The following THADA variants were observed in gnomAD, a reference collection of about 807,000 sequenced individuals.
The protein encoded by THADA is tRNA (32-2'-O)-methyltransferase regulator THADA.
Under a neutral mutation model 219.8 loss-of-function variants are expected in THADA, and 213 were observed. The observed-to-expected ratio is 0.97, with a 90% CI of 0.87 to 1.09. The LOEUF is 1.09. Ranked by LOEUF, THADA falls within the 50% of genes least tolerant of loss-of-function variation. The pLI, the probability that THADA is intolerant of heterozygous loss-of-function variation, is 0.00. For missense variants in THADA, 2,956 were observed against 2,311.3 expected, an observed-to-expected ratio of 1.28 and a Z score of -5.72; for synonymous variants, 1,018 against 828.9, an observed-to-expected ratio of 1.23 and a Z score of -3.92.
intron 26 of THADA, among the ~76,000 whole-genome samples, chr2:43,478,195 G>A (rs1377029614): frequency 6.6e-6 from 1 of 151,018 alleles, no homozygotes; most frequent in Admixed American, 6.6e-5. Context: ...AAAAAATTAA[G>A]AGTATATTTT....
At chr2:43,251,134 A>G (rs1201188562) in intron 36 of THADA, among the ~76,000 whole-genome samples, 1 of 152,220 alleles carries the variant, frequency 6.6e-6, no homozygotes, top group East Asian at 1.9e-4. Flanking sequence ...ATAAAGCAAG[A>G]CATTTCACAT....
chr2:43,583,031 T>G (rs980447228), intron 7 of THADA, among the ~76,000 whole-genome samples: 3 of 152,172 alleles, frequency 2.0e-5, no homozygotes, highest in African/African-American at 7.2e-5. Flanking sequence ...CATCTAATTC[T>G]CTCCTTTGCT....
At chr2:43,521,385 T>C (rs1692463225) in intron 22 of THADA, among the ~76,000 whole-genome samples, 1 of 152,050 alleles carries the variant, frequency 6.6e-6, no homozygotes, top group Admixed American at 6.5e-5. Context: ...CGAAACCCAG[T>C]CTCTATAAAA....
intron 31 of THADA, among the ~76,000 whole-genome samples, chr2:43,296,358 C>A (rs1012131225): frequency 6.6e-6 from 1 of 151,724 alleles, no homozygotes; most frequent in Non-Finnish European, 1.5e-5. Context: ...TCACTGCAAC[C>A]TTCGCCTCCC....
chr2:43,329,112 C>G (rs556130166), intron 30 of THADA, among the ~76,000 whole-genome samples: 1 of 152,252 alleles, frequency 6.6e-6, no homozygotes, highest in Admixed American at 6.5e-5. Flanking sequence ...ATGCGTGTTT[C>G]CCTCCCTCTG....
chr2:43,347,044 T>C (rs1040961262), intron 29 of THADA, among the ~76,000 whole-genome samples: 1 of 152,128 alleles, frequency 6.6e-6, no homozygotes, highest in African/African-American at 2.4e-5. Context: ...GAGAGCTGAA[T>C]CACGCCGTAC....
At chr2:43,525,064 T>C (rs1692986079) in intron 22 of THADA, among the ~76,000 whole-genome samples, 1 of 152,226 alleles carries the variant, frequency 6.6e-6, no homozygotes, top group Non-Finnish European at 1.5e-5. Context: ...GACTTAAGTA[T>C]TTCCACCAGG....
intron 26 of THADA, among the ~76,000 whole-genome samples, chr2:43,431,317 G>C (rs1397292053): frequency 6.6e-6 from 1 of 152,042 alleles, no homozygotes; most frequent in East Asian, 1.9e-4. Context: ...CCCCTATCAA[G>C]ACTCAGAAAA....
intron 34 of THADA, among the ~76,000 whole-genome samples, chr2:43,287,548 C>T (rs1028056906): frequency 6.6e-6 from 1 of 152,160 alleles, no homozygotes; most frequent in Non-Finnish European, 1.5e-5. Context: ...CAACTTGCCT[C>T]GGCCTCCCAA....
At chr2:43,564,882 A>T (rs1698486201) in intron 15 of THADA, 2 of 152,230 alleles carry the variant, frequency 1.3e-5, no homozygotes, top group African/African-American at 4.8e-5. Flanking sequence ...TAAAATTAGA[A>T]ACTTTCCAGA....
At chr2:43,560,631 A>C in intron 15 of THADA, among the ~76,000 whole-genome samples, 1 of 152,322 alleles carries the variant, frequency 6.6e-6, no homozygotes. Flanking sequence ...TACTATATAA[A>C]AGATTTCTAA....
Position 43,424,495 on chromosome 2 carries a change from A to G in THADA, c.4058+3605T>C, listed in dbSNP as rs192147425. On this transcript the variant is annotated intron_variant, in intron 28 of 37. Coordinates refer to ENST00000405975, the MANE Select transcript of THADA (RefSeq NM_022065.5). ...CATACACCCATCCATCTTTTTAGCT[A>G]TTACCCCAAGTCAAAACAGCCCACT... Among the ~76,000 whole-genome samples the G allele has an allele frequency of 4.6e-5, 7 of 152,252 alleles. No homozygotes were observed. In the East Asian group the frequency reaches 1.4e-3, roughly 29 times the overall value.
intron 24 of THADA, among the ~76,000 whole-genome samples, chr2:43,502,455 G>T (rs1193452306): frequency 5.9e-5 from 9 of 151,768 alleles, no homozygotes; most frequent in Non-Finnish European, 1.2e-4. Context: ...CATGGTGGCA[G>T]AAGTCTATAA....
At chr2:43,431,445 T>G (rs1377821759) in intron 26 of THADA, among the ~76,000 whole-genome samples, 1 of 152,118 alleles carries the variant, frequency 6.6e-6, no homozygotes, top group East Asian at 1.9e-4. Flanking sequence ...TAGAATTTCA[T>G]ATAAATGTAA....
intron 35 of THADA, among the ~76,000 whole-genome samples, chr2:43,281,325 T>G (rs1270409137): frequency 6.6e-6 from 1 of 152,188 alleles, no homozygotes; most frequent in Non-Finnish European, 1.5e-5. Flanking sequence ...CTTAATATTT[T>G]CCTCTTTAAT....
At position 43,485,133 on chromosome 2, in the gene THADA, A is replaced by C. The variant is rs1573886416; in HGVS notation, c.3836+101T>G. ...CAGTATTTTTATAGTTTTATGCTCTAGATGAATCTATAACAGTAGGCACAA... is the reference window on the plus strand; with the variant it reads ...CAGTATTTTTATAGTTTTATGCTCTCGATGAATCTATAACAGTAGGCACAA... On this transcript the variant is annotated intron_variant, in intron 26 of 37. Transcript: ENST00000405975. 1.2e-5 allele frequency: 10 copies of C among 830,122 alleles called. No homozygotes were observed. The East Asian group carries it at 2.5e-4, about 20-fold the overall frequency. 51.4% of individuals were successfully genotyped at this position (830,122 alleles called of 1,614,324 possible).
intron 30 of THADA, among the ~76,000 whole-genome samples, chr2:43,329,509 C>G (rs1179285974): frequency 6.6e-6 from 1 of 152,138 alleles, no homozygotes; most frequent in Non-Finnish European, 1.5e-5. Flanking sequence ...ATGATAATAA[C>G]AATATCAACA....
At chr2:43,443,966 C>A (rs1443592703) in intron 26 of THADA, among the ~76,000 whole-genome samples, 1 of 152,054 alleles carries the variant, frequency 6.6e-6, no homozygotes, top group East Asian at 1.9e-4. Context: ...AGCCCACAGC[C>A]AGGGCCTGGA....
intron 36 of THADA, among the ~76,000 whole-genome samples, chr2:43,278,860 CT>C (rs1673021418): frequency 1.3e-5 from 2 of 152,210 alleles, no homozygotes; most frequent in Admixed American, 1.3e-4. Context: ...ATCTGGCCTC[CT>C]TTTCTCTCAT....
Sources: allele counts gnomAD v4.1 joint callset (sites outside exome capture counted in the v4.1 genomes callset), GRCh38; gene constraint gnomAD v4.1.1; transcripts MANE v1.5; gene names NCBI Gene and HGNC (gene_info 2026-07-23, HGNC 2026-07-21).